CNTLN: variants seen among roughly 807,000 people sequenced by gnomAD.
The protein encoded by CNTLN is centlein, also known as centlein, centrosomal protein.
In CNTLN, 212 loss-of-function variants were observed where a neutral mutation model predicts 180.0. The observed-to-expected ratio is 1.18, with a 90% CI of 1.05 to 1.32. CNTLN has a LOEUF of 1.32. CNTLN is among the 40% of genes most tolerant of loss of function. The pLI, the probability that CNTLN is intolerant of heterozygous loss-of-function variation, is 0.00. For synonymous variants in CNTLN, 722 were observed against 563.1 expected (o/e 1.28, Z -3.99); for missense variants, 2,095 against 1,610.9 (o/e 1.30, Z -5.14).
intron 2 of CNTLN, among the ~76,000 whole-genome samples, chr9:17,180,264 A>G (rs1821038744): frequency 1.4e-5 from 2 of 141,794 alleles, no homozygotes; most frequent in African/African-American, 5.1e-5. Flanking sequence ...GGCTATTGGA[A>G]CGCATTTTAG....
chr9:17,365,709 C>T (rs954415507), intron 12 of CNTLN, among the ~76,000 whole-genome samples: 2 of 152,154 alleles, frequency 1.3e-5, no homozygotes, highest in Non-Finnish European at 2.9e-5. Flanking sequence ...CCTGTGATCC[C>T]AGCATTTTGG....
intron 13 of CNTLN, among the ~76,000 whole-genome samples, chr9:17,368,690 C>A (rs1442249943): frequency 6.6e-6 from 1 of 152,320 alleles, no homozygotes; most frequent in African/African-American, 2.4e-5. Flanking sequence ...GGAAAGAAAA[C>A]AAGAGTCTCT....
chr9:17,301,989 A>G, intron 7 of CNTLN: 1 of 974,524 alleles, frequency 1.0e-6, no homozygotes, highest in Non-Finnish European at 1.2e-6. Flanking sequence ...TTGGTTATAT[A>G]TGTTATTTGT....
intron 2 of CNTLN, among the ~76,000 whole-genome samples, chr9:17,154,287 G>T (rs1018892333): frequency 2.6e-5 from 4 of 152,164 alleles, no homozygotes; most frequent in African/African-American, 9.7e-5. Flanking sequence ...CCCCATCTTT[G>T]TGGATTTATC....
At chr9:17,316,535 A>G (rs1321917811) in intron 8 of CNTLN, among the ~76,000 whole-genome samples, 1 of 152,096 alleles carries the variant, frequency 6.6e-6, no homozygotes, top group East Asian at 1.9e-4. Context: ...TAATTGGTTT[A>G]TCTGGTTTTA....
At chr9:17,207,507 T>C (rs892145508) in intron 2 of CNTLN, among the ~76,000 whole-genome samples, 1 of 152,162 alleles carries the variant, frequency 6.6e-6, no homozygotes, top group African/African-American at 2.4e-5. Flanking sequence ...GAATCTTCCG[T>C]TGTGCAGACT....
chr9:17,261,217 T>G (rs1162752779), intron 5 of CNTLN, among the ~76,000 whole-genome samples: 1 of 151,420 alleles, frequency 6.6e-6, no homozygotes, highest in Non-Finnish European at 1.5e-5. Context: ...AAAAGTGACG[T>G]TGGTAGTTTG....
intron 2 of CNTLN, among the ~76,000 whole-genome samples, chr9:17,198,521 G>C (rs1206814627): frequency 6.8e-6 from 1 of 146,186 alleles, no homozygotes; most frequent in Non-Finnish European, 1.5e-5. Context: ...TTGTACATGG[G>C]ATTACTTTCT....
At chr9:17,209,333 C>T (rs1823128023) in intron 2 of CNTLN, among the ~76,000 whole-genome samples, 2 of 152,132 alleles carry the variant, frequency 1.3e-5, no homozygotes, top group African/African-American at 2.4e-5. Flanking sequence ...TATTGAGTCA[C>T]ATATGGTCTA....
At chr9:17,199,150 T>C (rs968558134) in intron 2 of CNTLN, among the ~76,000 whole-genome samples, 15 of 151,736 alleles carry the variant, frequency 9.9e-5, no homozygotes, top group African/African-American at 3.1e-4. Context: ...CCACCAACAG[T>C]ATAAAAGCAT....
At chr9:17,449,374 G>GT (rs975921969) in intron 18 of CNTLN, among the ~76,000 whole-genome samples, 2 of 136,702 alleles carry the variant, frequency 1.5e-5, no homozygotes, top group Non-Finnish European at 3.0e-5. Context: ...GCGGTGTTTG[G>GT]TTTTTTGTTC....
rs764370456 is a variant in CNTLN at position 17,135,102 on chromosome 9, C to T, written c.37C>T (p.Pro13Ser). Residue 13 changes from proline to serine, a missense_variant, in exon 1 of 26, where the codon CCC becomes TCC. Physicochemically the swap from Pro to Ser is moderately conservative, Grantham distance 74. Coordinates refer to ENST00000380647, the MANE Select transcript of CNTLN (RefSeq NM_017738.4). ...ARSPPSPHPS[P>S]PARQLGPRSP... Reference sequence around the variant, plus strand: ...TTCGCCTCCCTCACCGCACCCTTCGCCCCCAGCGCGACAGCTGGGCCCCAG... The same window carrying T: ...TTCGCCTCCCTCACCGCACCCTTCGTCCCCAGCGCGACAGCTGGGCCCCAG... 2.5e-6 allele frequency: 4 copies of T among 1,605,414 alleles called. 1 individual carries two copies. In the South Asian group the frequency reaches 4.5e-5, roughly 18 times the overall value.
chr9:17,348,453 C>G (rs934013314), intron 12 of CNTLN, among the ~76,000 whole-genome samples: 2 of 152,014 alleles, frequency 1.3e-5, no homozygotes, highest in African/African-American at 4.8e-5. Flanking sequence ...GACATTGCAT[C>G]GAGAGAGTTT....
chr9:17,261,305 G>C (rs1826957223), intron 5 of CNTLN, among the ~76,000 whole-genome samples: 1 of 151,436 alleles, frequency 6.6e-6, no homozygotes, highest in Non-Finnish European at 1.5e-5. Context: ...CAATCCATGA[G>C]CATGGCATAT....
At chr9:17,369,722 C>T (rs748093698) in intron 13 of CNTLN, among the ~76,000 whole-genome samples, 18 of 151,690 alleles carry the variant, frequency 1.2e-4, no homozygotes, top group South Asian at 2.1e-4. Context: ...TGTGGTGGCT[C>T]ATGCCTGTAA....
intron 5 of CNTLN, among the ~76,000 whole-genome samples, chr9:17,238,437 T>C (rs999151744): frequency 1.3e-5 from 2 of 152,198 alleles, no homozygotes; most frequent in Non-Finnish European, 1.5e-5. Flanking sequence ...TGAAGCATGG[T>C]CATAAAAGAA....
intron 2 of CNTLN, among the ~76,000 whole-genome samples, chr9:17,213,980 C>T (rs1198369187): frequency 6.6e-6 from 1 of 152,122 alleles, no homozygotes; most frequent in Admixed American, 6.5e-5. Context: ...CTGAATACAG[C>T]ACACTGATGG....
intron 2 of CNTLN, among the ~76,000 whole-genome samples, chr9:17,219,256 C>A (rs1022123839): frequency 2.7e-5 from 4 of 149,116 alleles, no homozygotes; most frequent in Non-Finnish European, 4.4e-5. Context: ...TTTTAAGGAA[C>A]CTTTTTTTTT....
rs1831210035 is a variant in CNTLN at position 17,457,648 on chromosome 9, A to G, written c.3239A>G (p.Gln1080Arg). 1 of 1,547,390 alleles carries G rather than the reference A, an allele frequency of 6.5e-7. No individual in the cohort carries two copies. Among genetic ancestry groups the G allele is most frequent in the South Asian group, 1.2e-5 (1 of 80,368 alleles). The change falls in exon 19 of 26, where the codon CAA becomes CGA. Residue 1080 changes from glutamine to arginine, a missense_variant. By Grantham distance (43) the Gln-to-Arg change is conservative (BLOSUM62 1). Coordinates refer to ENST00000380647, the MANE Select transcript of CNTLN (RefSeq NM_017738.4). ...TCCCAGGTAACATTTCCACGGATAC[A>G]AGTTACATCACTTAGTCCTTCAAGG... ...ENSQVTFPRI[Q>R]VTSLSPSRSM...
Sources: gnomAD v4.1 joint callset for allele counts (sites outside exome capture counted in the v4.1 genomes callset) on GRCh38, gnomAD v4.1.1 for gene constraint, MANE v1.5 for transcripts, NCBI Gene and HGNC (gene_info 2026-07-23, HGNC 2026-07-21) for gene names.